The following GAS7 variants were observed in gnomAD, a reference collection of about 807,000 sequenced individuals.
GAS7 encodes the protein growth arrest specific 7.
Under a neutral mutation model 71.1 loss-of-function variants are expected in GAS7, and 28 were observed. The ratio of observed to expected loss-of-function variants is 0.39; its 90% CI spans 0.29 to 0.54. The LOEUF (loss-of-function observed/expected upper bound fraction) is 0.54, where lower values mean the gene tolerates loss of function less well. Among genes scored for constraint, GAS7 ranks in the 20% least tolerant of loss-of-function variants. GAS7 has a pLI of 0.62. For synonymous variants in GAS7, 258 were observed against 245.8 expected (o/e 1.05, Z -0.46); for missense variants, 436 against 627.8 (o/e 0.69, Z 3.27).
intron 1 of GAS7, among the ~76,000 whole-genome samples, chr17:10,105,699 C>T (rs765734101): frequency 6.6e-6 from 1 of 152,220 alleles, no homozygotes; most frequent in Non-Finnish European, 1.5e-5. Flanking sequence ...AAGCCACCCA[C>T]TTCCTCCCAA....
intron 1 of GAS7, among the ~76,000 whole-genome samples, chr17:10,102,929 G>T (rs911054447): frequency 1.3e-5 from 2 of 152,122 alleles, no homozygotes; most frequent in African/African-American, 4.8e-5. Context: ...CACATTTTAG[G>T]AAACTGTCTC....
intron 1 of GAS7, among the ~76,000 whole-genome samples, chr17:10,143,107 G>A (rs1036612173): frequency 1.3e-5 from 2 of 152,078 alleles, no homozygotes; most frequent in African/African-American, 4.8e-5. Flanking sequence ...GCTTGAACCC[G>A]GGACTCGGAG....
intron 1 of GAS7, among the ~76,000 whole-genome samples, chr17:10,175,848 C>T (rs2074370752): frequency 6.6e-6 from 1 of 152,190 alleles, no homozygotes; most frequent in Non-Finnish European, 1.5e-5. Flanking sequence ...CATGCAGTCA[C>T]ATTCTGAGGT....
At chr17:10,155,085 G>A (rs1305291048) in intron 1 of GAS7, among the ~76,000 whole-genome samples, 1 of 151,808 alleles carries the variant, frequency 6.6e-6, no homozygotes, top group Non-Finnish European at 1.5e-5. Context: ...CACGATCTCG[G>A]CTCACTGCGA....
At chr17:9,984,213 G>C (rs2070546907) in intron 2 of GAS7, among the ~76,000 whole-genome samples, 1 of 152,008 alleles carries the variant, frequency 6.6e-6, no homozygotes, top group Admixed American at 6.6e-5. Context: ...TGCAGCCCTA[G>C]GCAAATCGCA....
chr17:10,003,404 C>A (rs2071348879), intron 2 of GAS7, among the ~76,000 whole-genome samples: 1 of 152,340 alleles, frequency 6.6e-6, no homozygotes, highest in African/African-American at 2.4e-5. Context: ...AGTTGGAAAA[C>A]TGCTTTTGCT....
Position 9,998,258 on chromosome 17 carries a change from A to G in GAS7, c.305-16374T>C, listed in dbSNP as rs116100958. Among the ~76,000 whole-genome samples the G allele has an allele frequency of 9.6e-3, 1,459 of 152,300 alleles. 23 individuals carry two copies. Among genetic ancestry groups the G allele is most frequent in the African/African-American group, 0.032 (1,345 of 41,560 alleles). On this transcript the variant is annotated intron_variant, in intron 2 of 13. Coordinates refer to ENST00000432992, the MANE Select transcript of GAS7 (RefSeq NM_201433.2). ...GGGAGCTGGATGGAAGACCAAATATATATTTCACAATATCCAACTACACAT... is the reference window on the plus strand; with the variant it reads ...GGGAGCTGGATGGAAGACCAAATATGTATTTCACAATATCCAACTACACAT...
intron 1 of GAS7, among the ~76,000 whole-genome samples, chr17:10,148,868 T>C (rs796239088): frequency 5.3e-4 from 75 of 141,334 alleles, no homozygotes; most frequent in East Asian, 4.9e-3. Context: ...AGAGATGGTG[T>C]CACTGCACTC....
chr17:10,084,040 C>T lies in GAS7; in HGVS notation c.184-64143G>A, dbSNP rs1286191237. ...CTGCCCCTGCCTACCTAGGCATTGG[C>T]TGCCTCCTGCTGCTCTCACAGGGAG... is the stretch of plus-strand genomic sequence containing the variant. On this transcript the variant is annotated intron_variant, in intron 1 of 13. Coordinates refer to ENST00000432992, the MANE Select transcript of GAS7 (RefSeq NM_201433.2). 2.6e-5 allele frequency among the ~76,000 whole-genome samples: 4 copies of T among 152,318 alleles called. No individual in the cohort carries two copies. In the East Asian group the frequency reaches 5.8e-4, roughly 22 times the overall value.
At chr17:10,129,650 C>T (rs115280833) in intron 1 of GAS7, among the ~76,000 whole-genome samples, 2,559 of 152,272 alleles carry the variant, frequency 0.017, 35 homozygotes, top group Middle Eastern at 0.044. Flanking sequence ...AGGAAAAAAT[C>T]GGTAAACTGG....
rs3786111 is a variant in GAS7, at chr17:9,945,372, C to T, written c.615+1522G>A. Reference sequence around the variant, plus strand: ...CCCTCCTTCCACAAGCAGAATAAAACTCACTTACTGGGGCCTAGAAAGTCT... The same window carrying T: ...CCCTCCTTCCACAAGCAGAATAAAATTCACTTACTGGGGCCTAGAAAGTCT... On this transcript the variant is annotated intron_variant, in intron 6 of 13. Coordinates refer to ENST00000432992, the MANE Select transcript of GAS7 (RefSeq NM_201433.2). Among the ~76,000 whole-genome samples, 1,062 of 150,588 alleles carry T rather than the reference C, an allele frequency of 7.1e-3. 25 individuals are homozygous for T. In the East Asian group the frequency reaches 0.087, roughly 12 times the overall value.
intron 1 of GAS7, among the ~76,000 whole-genome samples, chr17:10,120,867 C>T (rs2073899357): frequency 1.3e-5 from 2 of 152,134 alleles, no homozygotes; most frequent in Admixed American, 6.5e-5. Flanking sequence ...ACGGCAGCTA[C>T]GGCAGCTGCC....
intron 1 of GAS7, among the ~76,000 whole-genome samples, chr17:10,169,641 T>A (rs1373730058): frequency 1.3e-5 from 2 of 152,136 alleles, no homozygotes; most frequent in Non-Finnish European, 2.9e-5. Context: ...GGTTGCTCCT[T>A]CTCCTTTACA....
intron 1 of GAS7, among the ~76,000 whole-genome samples, chr17:10,146,478 A>G (rs1597818739): frequency 6.6e-6 from 1 of 152,160 alleles, no homozygotes; most frequent in South Asian, 2.1e-4. Context: ...TGGACCACAG[A>G]CCAGCAGCAC....
chr17:9,918,631 G>T (rs1234906874), intron 12 of GAS7, among the ~76,000 whole-genome samples: 1 of 152,220 alleles, frequency 6.6e-6, no homozygotes, highest in Non-Finnish European at 1.5e-5. Flanking sequence ...CCTCTGCTGA[G>T]CAGCCTCCCT....
chr17:10,167,145 C>T (rs907108195), intron 1 of GAS7, among the ~76,000 whole-genome samples: 8 of 147,114 alleles, frequency 5.4e-5, no homozygotes, highest in African/African-American at 1.5e-4. Context: ...GCAACCTCCA[C>T]CGCCTGGGTT....
At chr17:9,950,773 T>C (rs2068972940) in intron 5 of GAS7, among the ~76,000 whole-genome samples, 1 of 152,048 alleles carries the variant, frequency 6.6e-6, no homozygotes, top group Non-Finnish European at 1.5e-5. Flanking sequence ...GGAGAATTGT[T>C]TGAACCCGGG....
In GAS7 at chr17:10,112,741, AAAAC is replaced by A. The variant is rs201837790; in HGVS notation, c.183+85463_183+85466del. On this transcript the variant is annotated intron_variant, in intron 1 of 13. Transcript: ENST00000432992. ...GCCATGAGAGTGAAACTGCATCTCA[AAAAC>A]AAACAAAGAAAAGAAAAAAGAAAGA... Among the ~76,000 whole-genome samples the A allele has an allele frequency of 5.1e-3, 782 of 152,034 alleles. 6 individuals carry two copies. Among genetic ancestry groups the A allele is most frequent in the African/African-American group, 0.018 (747 of 41,404 alleles).
At chr17:9,980,337 G>A (rs1478937267) in intron 3 of GAS7, among the ~76,000 whole-genome samples, 1 of 152,050 alleles carries the variant, frequency 6.6e-6, no homozygotes, top group Non-Finnish European at 1.5e-5. Context: ...CTGGCCACTC[G>A]CTTTGCGTCC....
Sources: gnomAD v4.1 joint callset for allele counts (sites outside exome capture counted in the v4.1 genomes callset) on GRCh38, gnomAD v4.1.1 for gene constraint, MANE v1.5 for transcripts, NCBI Gene and HGNC (gene_info 2026-07-23, HGNC 2026-07-21) for gene names.